Variants in CSMD2 observed in about 807,000 individuals in gnomAD.
CSMD2 encodes CUB and sushi domain-containing protein 2.
Under a neutral mutation model 398.5 loss-of-function variants are expected in CSMD2, and 130 were observed. The observed-to-expected ratio is 0.33, with a 90% confidence interval of 0.28 to 0.38. CSMD2 has a LOEUF of 0.38. Among genes scored for constraint, CSMD2 ranks in the 10% least tolerant of loss-of-function variants. CSMD2 has a pLI of 1.00. For missense variants in CSMD2, 3,829 were observed against 4,764.9 expected (o/e 0.80, Z 5.78); for synonymous variants, 1,828 against 1,908.5 (o/e 0.96, Z 1.10).
intron 13 of CSMD2, among the ~76,000 whole-genome samples, chr1:33,751,785 A>AT (rs547874463): frequency 1.6e-3 from 229 of 145,462 alleles, no homozygotes; most frequent in African/African-American, 2.4e-3. Context: ...CGCCCAGCTA[A>AT]TTTTTTTTTT....
At chr1:33,834,044 A>G (rs1201949594) in intron 6 of CSMD2, among the ~76,000 whole-genome samples, 1 of 142,536 alleles carries the variant, frequency 7.0e-6, no homozygotes, top group East Asian at 2.1e-4. Flanking sequence ...ATGGGTAGGA[A>G]GAATCAATAT....
In CSMD2 at chr1:33,569,467, A is replaced by G. The variant is rs1659377822; in HGVS notation, c.8038T>C (p.Phe2680Leu). ...TLSVYGATAI[F>L]SCNSGYTLVG... ...AGTGTGTATCCGGAATTGCAGGAGA[A>G]GATGGCTGTTGCCCCGTAGACAGAC... Residue 2680 changes from phenylalanine (F) to leucine (L), a missense_variant, in exon 52 of 71, where the codon TTC becomes CTC. This residue lies in a region of CSMD2 where 723 missense variants were observed against 758.6 expected (regional missense o/e 0.95). Transcript: ENST00000373381. 6.8e-6 allele frequency: 11 copies of G among 1,614,114 alleles called. No individual in the cohort carries two copies. The highest frequency in any genetic ancestry group is 9.3e-6 in the Non-Finnish European group (11 of 1,180,044).
chr1:33,690,416 C>A (rs1490716735), intron 25 of CSMD2, among the ~76,000 whole-genome samples: 1 of 152,184 alleles, frequency 6.6e-6, no homozygotes. Flanking sequence ...CTTTTTCATT[C>A]CCCTTCCTCA....
intron 5 of CSMD2, among the ~76,000 whole-genome samples, chr1:33,869,832 G>A (rs564776306): frequency 2.0e-5 from 3 of 152,246 alleles, no homozygotes; most frequent in Non-Finnish European, 4.4e-5. Context: ...AGCATATTCA[G>A]ACAGCTCTCC....
rs1487717727 is a variant in CSMD2, at chr1:33,557,762, T to C, written c.8715A>G (p.Thr2905=). 2.6e-6 allele frequency: 4 copies of C among 1,536,052 alleles called. No homozygotes were observed. The highest frequency in any genetic ancestry group is 3.5e-6 in the Non-Finnish European group (4 of 1,146,874). The change falls in exon 55 of 71, where the codon ACA becomes ACG. Residue 2905 remains threonine, a synonymous_variant. Coordinates refer to ENST00000373381, the MANE Select transcript of CSMD2 (RefSeq NM_001281956.2). The part of the protein sequence containing the change: ...TPVLSCQGDG[T]WDRPRPQCLL... Reference sequence around the variant, plus strand: ...GACACTGGGGGCGGGGACGGTCCCATGTGCCATCTCCCTGGCAGCTGAGCA... The same window carrying C: ...GACACTGGGGGCGGGGACGGTCCCACGTGCCATCTCCCTGGCAGCTGAGCA...
At chr1:33,820,903 G>A (rs1018337407) in intron 7 of CSMD2, among the ~76,000 whole-genome samples, 2 of 152,060 alleles carry the variant, frequency 1.3e-5, no homozygotes, top group Non-Finnish European at 2.9e-5. Flanking sequence ...CCCCCACCAC[G>A]CCTATGCTTC....
At chr1:33,941,876 T>C (rs1644686765) in intron 3 of CSMD2, among the ~76,000 whole-genome samples, 1 of 151,964 alleles carries the variant, frequency 6.6e-6, no homozygotes, top group Non-Finnish European at 1.5e-5. Context: ...ATATGTCATA[T>C]ATAAAGTTAA....
Position 33,792,462 on chromosome 1 carries a change from T to A in CSMD2, c.1511A>T (p.Asp504Val). 6.2e-7 allele frequency: 1 copy of A among 1,613,776 alleles called. No individual in the cohort carries two copies. The highest frequency in any genetic ancestry group is 8.5e-7 in the Non-Finnish European group (1 of 1,179,848). ...CTTCTGGTCCCCATCCTGACCACCA[T>A]CACCGACCGTCAGGGTGTCATAGCC... The part of the protein sequence containing the change: ...ERGYDTLTVG[D>V]GGQDGDQKTV... The change falls in exon 11 of 71, where the codon GAT becomes GTT. Residue 504 changes from aspartate (D) to valine (V), a missense_variant. Physicochemically the swap from Asp to Val is radical, Grantham distance 152. Transcript: ENST00000373381.
chr1:33,879,211 C>A (rs1003635383), intron 5 of CSMD2, among the ~76,000 whole-genome samples: 1 of 152,162 alleles, frequency 6.6e-6, no homozygotes, highest in Non-Finnish European at 1.5e-5. Context: ...GCCCCTTTTC[C>A]ACTTGTCGAG....
At chr1:33,869,672 A>G (rs1163988290) in intron 5 of CSMD2, among the ~76,000 whole-genome samples, 1 of 152,208 alleles carries the variant, frequency 6.6e-6, no homozygotes, top group Non-Finnish European at 1.5e-5. Context: ...TCCCAGGACC[A>G]CAGACAAATT....
intron 27 of CSMD2, among the ~76,000 whole-genome samples, chr1:33,656,314 G>C (rs72890895): frequency 0.016 from 2,499 of 152,284 alleles, 59 homozygotes; most frequent in African/African-American, 0.056. Context: ...CACCAAAGTA[G>C]TAAATGGCAG....
chr1:34,017,013 A>G (rs1183316259), intron 3 of CSMD2, among the ~76,000 whole-genome samples: 4 of 152,192 alleles, frequency 2.6e-5, no homozygotes, highest in Non-Finnish European at 5.9e-5. Flanking sequence ...TTTCTTTCTT[A>G]GTGGTGCATA....
intron 49 of CSMD2, among the ~76,000 whole-genome samples, chr1:33,576,345 C>T (rs947007982): frequency 1.3e-5 from 2 of 152,160 alleles, no homozygotes; most frequent in African/African-American, 4.8e-5. Context: ...AATCACAGCA[C>T]TCTGGGAGAC....
chr1:33,580,698 C>A, intron 48 of CSMD2, 55 bp downstream of exon 48: 1 of 1,602,098 alleles, frequency 6.2e-7, no homozygotes, highest in Non-Finnish European at 8.5e-7. Context: ...CACAGAGGAG[C>A]TTGAGGCTTC....
chr1:33,836,793 C>G (rs577162518), intron 6 of CSMD2, among the ~76,000 whole-genome samples: 1 of 152,306 alleles, frequency 6.6e-6, no homozygotes, highest in African/African-American at 2.4e-5. Context: ...AGCGAATTCC[C>G]CAACCCCTTG....
intron 1 of CSMD2, among the ~76,000 whole-genome samples, chr1:34,136,920 G>A (rs9425999): frequency 0.31 from 47,654 of 151,810 alleles, 8,679 homozygotes; most frequent in Non-Finnish European, 0.41. Context: ...TGCCATCCAT[G>A]CATTCACCCT....
chr1:33,894,376 T>C (rs1642242644), intron 5 of CSMD2, among the ~76,000 whole-genome samples: 1 of 152,256 alleles, frequency 6.6e-6, no homozygotes, highest in African/African-American at 2.4e-5. Flanking sequence ...AAGGCTTTTT[T>C]CCCCCAATGC....
chr1:33,901,121 G>T (rs1230052611), intron 5 of CSMD2, among the ~76,000 whole-genome samples: 1 of 152,206 alleles, frequency 6.6e-6, no homozygotes, highest in East Asian at 1.9e-4. Context: ...CAAACTTGGG[G>T]GTGAAGACCC....
chr1:33,521,319 C>T lies in CSMD2; in HGVS notation c.10597+144G>A, dbSNP rs1420596797. 1.4e-5 allele frequency: 9 copies of T among 654,804 alleles called. No individual in the cohort carries two copies. In the East Asian group the frequency reaches 2.1e-4, roughly 16 times the overall value. 40.6% of individuals were successfully genotyped at this position (654,804 alleles called of 1,614,324 possible). Reference sequence around the variant, plus strand: ...TATTCCATGGCTTTTGTCAGAATCTCAAGAGGCATCCCTGATCCCAAAGAG... The same window carrying T: ...TATTCCATGGCTTTTGTCAGAATCTTAAGAGGCATCCCTGATCCCAAAGAG... On this transcript the variant is annotated intron_variant, in intron 68 of 70. Transcript: ENST00000373381.
Sources: gnomAD v4.1 joint callset for allele counts (sites outside exome capture counted in the v4.1 genomes callset) on GRCh38, gnomAD v4.1.1 for gene constraint, gnomAD v4.1.1 regional missense constraint, MANE v1.5 for transcripts, NCBI Gene and HGNC (gene_info 2026-07-23, HGNC 2026-07-21) for gene names.